Variants in DES observed in about 807,000 individuals in gnomAD.
The protein encoded by DES is desmin, also known as cardiomyopathy, dilated 1F (autosomal dominant).
Under a neutral mutation model 55.1 loss-of-function variants are expected in DES, and 34 were observed. The observed-to-expected ratio is 0.62, with a 90% confidence interval of 0.47 to 0.82. DES has a LOEUF of 0.82. Among genes scored for constraint, DES ranks in the 40% least tolerant of loss-of-function variants. The pLI, the probability that DES is intolerant of heterozygous loss-of-function variation, is 0.00. For missense variants in DES, 596 were observed against 645.9 expected, an observed-to-expected ratio of 0.92 and a Z score of 0.84; for synonymous variants, 259 against 270.8, an observed-to-expected ratio of 0.96 and a Z score of 0.43.
Position 219,418,996 on chromosome 2 carries a change from C to G in DES, c.534C>G (p.Val178=), listed in dbSNP as rs1163205960. ...VLTNQRARVD[V]ERDNLLDDLQ... ...CTAACCAGCGCGCGCGCGTCGACGT[C>G]GAGCGCGACAACCTGCTCGACGACC... The change falls in exon 1 of 9, where the codon GTC becomes GTG. Residue 178 remains valine, a synonymous_variant. Coordinates refer to ENST00000373960, the MANE Select transcript of DES (RefSeq NM_001927.4). 6.5e-7 allele frequency: 1 copy of G among 1,549,368 alleles called. No homozygotes were observed.
Position 219,420,153 on chromosome 2 carries a change from G to A in DES, c.637G>A (p.Ala213Thr), listed in dbSNP as rs918962036. The change falls in exon 2 of 9, where the codon GCG (alanine) becomes ACG (threonine). Residue 213 changes from alanine to threonine, a missense_variant and splice_region_variant. Transcript: ENST00000373960. This position sits in a 1 kb window ranked among gnomAD's most constrained non-coding sequence, Gnocchi z 6.0. Reference protein sequence around the residue: ...EAENNLAAFRADVDAATLARI... With the variant: ...EAENNLAAFRTDVDAATLARI... ...AGAGAACAATTTGGCTGCCTTCCGA[G>A]CGGTGAGTGCCCTTCTTTTCCCCTT... 6.2e-7 allele frequency: 1 copy of A among 1,614,250 alleles called. No individual in the cohort carries two copies. The highest frequency in any genetic ancestry group is 8.5e-7 in the Non-Finnish European group (1 of 1,180,048).
intron 6 of DES, among the ~76,000 whole-genome samples, chr2:219,421,823 C>G (rs532592240): frequency 6.6e-6 from 1 of 152,074 alleles, no homozygotes; most frequent in South Asian, 2.1e-4. Context: ...CCTACCACCA[C>G]GCCTGGCTAA....
chr2:219,423,910 G>T, intron 7 of DES, 90 bp downstream of exon 7: 2 of 1,407,260 alleles, frequency 1.4e-6, no homozygotes, highest in Non-Finnish European at 1.0e-6. Flanking sequence ...AGGGAGGATG[G>T]GACCCTGGGG....
chr2:219,425,646 G>C lies in DES; in HGVS notation c.1289-17G>C. On this transcript the variant is annotated splice_polypyrimidine_tract_variant and intron_variant, in intron 7 of 8. Transcript: ENST00000373960. ...CTGGACTTGGTCAGGCTGAGTGTGC[G>C]ATGGACCCTGTTACAGAAACCAGCC... 2 of 1,559,672 alleles carry C rather than the reference G, an allele frequency of 1.3e-6. No individual in the cohort carries two copies. Among genetic ancestry groups the C allele is most frequent in the South Asian group, 1.2e-5 (1 of 84,390 alleles).
At position 219,419,546 on chromosome 2, in the gene DES, G is replaced by A. The variant is rs1341867977; in HGVS notation, c.578+506G>A. ...GGGGGAGGGGGGAGCTTGGCCCTGG[G>A]GCCTTGCCGAGACTGTGTCTTTTTA... On this transcript the variant is annotated intron_variant, in intron 1 of 8. Transcript: ENST00000373960. The surrounding 1 kb of genome is among the most constrained non-coding windows in gnomAD (Gnocchi z 4.3). Among the ~76,000 whole-genome samples the A allele has an allele frequency of 1.3e-5, 2 of 152,116 alleles. No homozygotes were observed. The highest frequency in any genetic ancestry group is 2.9e-5 in the Non-Finnish European group (2 of 67,996).
chr2:219,426,495 C>CT lies in DES; in HGVS notation c.*508dup. 1 of 216,684 alleles carries CT rather than the reference C, an allele frequency of 4.6e-6. No homozygotes were observed. The highest frequency in any genetic ancestry group is 8.2e-5 in the South Asian group (1 of 12,200). 13.4% of individuals were successfully genotyped at this position (216,684 alleles called of 1,614,324 possible). A position where few individuals can be genotyped will look rare whatever the true frequency, so the allele number is the denominator to read the frequency against. ...ATTGTCCCCGTGGTCTCTTACTTTC[C>CT]TTTCCCCAGCCCAGGGTGGACTTAG... On this transcript the variant is annotated 3_prime_UTR_variant, in exon 9 of 9. Transcript: ENST00000373960. The surrounding 1 kb of genome is among the most constrained non-coding windows in gnomAD (Gnocchi z 4.5).
intron 7 of DES, among the ~76,000 whole-genome samples, chr2:219,424,226 C>A (rs754087841): frequency 6.6e-6 from 1 of 152,218 alleles, no homozygotes; most frequent in African/African-American, 2.4e-5. Context: ...CCAAGCCCCA[C>A]CTTGGCTGCT....
At position 219,418,853 on chromosome 2, in the gene DES, C is replaced by A. The variant is rs771499260; in HGVS notation, c.391C>A (p.Gln131Lys). The change falls in exon 1 of 9, where the codon CAG becomes AAG. Residue 131 changes from glutamine to lysine, a missense_variant. Gln to Lys is a moderately conservative substitution (Grantham distance 53). Transcript: ENST00000373960. ...CATCGAGAAGGTGCGCTTCCTGGAG[C>A]AGCAGAACGCGGCGCTCGCCGCCGA... ...NYIEKVRFLE[Q>K]QNAALAAEVN... 42 of 1,580,578 alleles carry A rather than the reference C, an allele frequency of 2.7e-5. No homozygotes were observed. The highest frequency in any genetic ancestry group is 3.4e-5 in the Non-Finnish European group (39 of 1,163,436).
In DES at chr2:219,421,577, G is replaced by C. The variant is rs750992468; in HGVS notation, c.1244+17G>C. 22 of 1,611,678 alleles carry C rather than the reference G, an allele frequency of 1.4e-5. No individual in the cohort carries two copies. Among genetic ancestry groups the C allele is most frequent in the Non-Finnish European group, 1.8e-5 (21 of 1,178,482 alleles). ...GGAGAGCCGGTGAGGGGCCAGGCAGGAGCCCGAGTGGGAGGTGCGGGGTGC... is the reference window on the plus strand; with the variant it reads ...GGAGAGCCGGTGAGGGGCCAGGCAGCAGCCCGAGTGGGAGGTGCGGGGTGC... On this transcript the variant is annotated intron_variant, in intron 6 of 8. Transcript: ENST00000373960.
At chr2:219,425,860 T>A (rs1954525973) in intron 8 of DES, 89 bp from the exon 9 acceptor site, 1 of 1,602,162 alleles carries the variant, frequency 6.2e-7, no homozygotes, top group African/African-American at 1.3e-5. Flanking sequence ...GCAAGAGAGA[T>A]CCTGCGGCCC....
Position 219,418,634 on chromosome 2 carries a change from C to T in DES, c.172C>T (p.Arg58Cys). 1 of 1,599,710 alleles carries T rather than the reference C, an allele frequency of 6.3e-7. No homozygotes were observed. The highest frequency in any genetic ancestry group is 8.5e-7 in the Non-Finnish European group (1 of 1,173,594). ...GACGTCCCGCGTGTACCAGGTGTCGCGCACGTCGGGCGGGGCCGGGGGCCT... is the reference window on the plus strand; with the variant it reads ...GACGTCCCGCGTGTACCAGGTGTCGTGCACGTCGGGCGGGGCCGGGGGCCT... ...SVTSRVYQVS[R>C]TSGGAGGLGS... Residue 58 changes from arginine to cysteine, a missense_variant, in exon 1 of 9, where the codon CGC (arginine) becomes TGC (cysteine). Physicochemically the swap from Arg to Cys is radical, Grantham distance 180 (BLOSUM62 -3). Transcript: ENST00000373960.
In DES at chr2:219,420,340, T is replaced by C. The variant is rs949090924; in HGVS notation, c.729T>C (p.His243=). ...AGATCGCGTTCCTTAAGAAAGTGCA[T>C]GAAGAGGTATACCTTGGCCCCTCTT... ...NEEIAFLKKV[H]EEEIRELQAQ... is the part of the protein sequence containing the mutation. The change falls in exon 3 of 9, where the codon CAT becomes CAC. Residue 243 remains histidine, a synonymous_variant. Transcript: ENST00000373960. This position sits in a 1 kb window ranked among gnomAD's most constrained non-coding sequence, Gnocchi z 6.0. The C allele has an allele frequency of 9.3e-6, 15 of 1,613,994 alleles. No individual in the cohort carries two copies. Among genetic ancestry groups the C allele is most frequent in the South Asian group, 1.1e-5 (1 of 91,080 alleles).
At chr2:219,421,663 G>A in intron 6 of DES, 103 bp downstream of exon 6, 1 of 1,129,496 alleles carries the variant, frequency 8.9e-7, no homozygotes, top group Non-Finnish European at 1.3e-6. Flanking sequence ...ACAAGACCTG[G>A]AAACAATTTT....
At position 219,420,658 on chromosome 2, in the gene DES, TGG is replaced by T. The variant is rs397516699; in HGVS notation, c.897+4_897+5del. 1,625 of 1,613,966 alleles carry T rather than the reference TGG, an allele frequency of 1.0e-3. 39 individuals are homozygous for T. The South Asian group carries it at 0.016, about 16-fold the overall frequency. On this transcript the variant is annotated splice_donor_region_variant and intron_variant, in intron 4 of 8. Coordinates refer to ENST00000373960, the MANE Select transcript of DES (RefSeq NM_001927.4). The surrounding 1 kb of genome is among the most constrained non-coding windows in gnomAD (Gnocchi z 6.0). ...GCTGAGGAGTGGTACAAGTCGAAGG[TGG>T]GTGGCCTCGCCCGGGGACTGGCATC...
At chr2:219,422,459 A>G (rs1263678575) in intron 6 of DES, among the ~76,000 whole-genome samples, 1 of 70,264 alleles carries the variant, frequency 1.4e-5, no homozygotes, top group Non-Finnish European at 2.7e-5. Context: ...GAAATGTTCT[A>G]TATCTTTTTT....
chr2:219,425,610 T>C, intron 7 of DES, 53 bp from the exon 8 acceptor site: 1 of 1,510,946 alleles, frequency 6.6e-7, no homozygotes. Flanking sequence ...CAGCCCCTGG[T>C]ATAGCCCAGC....
chr2:219,418,612 G>T lies in DES; in HGVS notation c.150G>T (p.Thr50=), dbSNP rs1179760415. The change falls in exon 1 of 9, where the codon ACG becomes ACT. Residue 50 remains threonine (T), a synonymous_variant. Coordinates refer to ENST00000373960, the MANE Select transcript of DES (RefSeq NM_001927.4). ...CTAAGGGCTCCTCCAGCTCGGTGAC[G>T]TCCCGCGTGTACCAGGTGTCGCGCA... ...FGSKGSSSSV[T]SRVYQVSRTS... 2.5e-6 allele frequency: 4 copies of T among 1,603,344 alleles called. No homozygotes were observed. Among genetic ancestry groups the T allele is most frequent in the Non-Finnish European group, 3.4e-6 (4 of 1,175,282 alleles).
chr2:219,421,297 T>C, intron 5 of DES, 43 bp from the exon 6 acceptor site: 7 of 1,608,342 alleles, frequency 4.4e-6, no homozygotes, highest in African/African-American at 1.3e-5. Flanking sequence ...GGGCTGCTAG[T>C]GTCCTCTTCC....
At position 219,420,713 on chromosome 2, in the gene DES, G is replaced by A. The variant is rs1230192542; in HGVS notation, c.897+57G>A. 29 of 1,613,730 alleles carry A rather than the reference G, an allele frequency of 1.8e-5. No individual in the cohort carries two copies. The East Asian group carries it at 6.2e-4, about 35-fold the overall frequency. ...CGTCCCCCTGAATCCCAGCTTGGAT[G>A]TGCTGCCTGTGGTACCATCCATGGG... On this transcript the variant is annotated intron_variant, in intron 4 of 8. Transcript: ENST00000373960. This position sits in a 1 kb window ranked among gnomAD's most constrained non-coding sequence, Gnocchi z 6.0.
Sources: gnomAD v4.1 joint callset for allele counts (sites outside exome capture counted in the v4.1 genomes callset) on GRCh38, gnomAD v4.1.1 for gene constraint, Gnocchi (gnomAD v3.1) non-coding constraint, MANE v1.5 for transcripts, NCBI Gene and HGNC (gene_info 2026-07-23, HGNC 2026-07-21) for gene names.